Variants in PRSS16 observed in about 807,000 individuals in gnomAD.
The protein encoded by PRSS16 is thymus-specific serine protease.
PRSS16 carries 43 observed loss-of-function variants against 61.7 expected under a neutral mutation model. The ratio of observed to expected loss-of-function variants is 0.70; its 90% CI spans 0.55 to 0.90. The LOEUF (loss-of-function observed/expected upper bound fraction) is 0.90, where lower values mean the gene tolerates loss of function less well. Among genes scored for constraint, PRSS16 ranks in the 40% least tolerant of loss-of-function variants. The pLI, the probability that PRSS16 is intolerant of heterozygous loss-of-function variation, is 0.00. For synonymous variants in PRSS16, 273 were observed against 285.2 expected (o/e 0.96, Z 0.43); for missense variants, 591 against 659.1 (o/e 0.90, Z 1.13).
In PRSS16 at chr6:27,251,078, GC is replaced by G; in HGVS notation, c.632del (p.Pro211ArgfsTer19). The G allele has an allele frequency of 1.2e-6, 2 of 1,614,056 alleles. No homozygotes were observed. Among genetic ancestry groups the G allele is most frequent in the East Asian group, 2.2e-5 (1 of 44,872 alleles). ...CATTTTCGCGTCGGTCGCCTCCTCC[GC>G]CCCGGTGCGGGCCGTGCTGGATTTC... ...HLIFASVASSAPVRAVLDFSE... is the reference protein window; with the variant it reads ...HLIFASVASSXPVRAVLDFSE... On this transcript the variant is annotated frameshift_variant, in exon 6 of 12. Coordinates refer to ENST00000230582, the MANE Select transcript of PRSS16 (RefSeq NM_005865.4). LOFTEE classifies it high-confidence loss of function. This position sits in a 1 kb window ranked among gnomAD's most constrained non-coding sequence, Gnocchi z 5.6.
rs1759881601 is a variant in PRSS16 at position 27,251,160 on chromosome 6, C to T, written c.669+41C>T. 3.1e-6 allele frequency: 5 copies of T among 1,613,982 alleles called. No homozygotes were observed. Among genetic ancestry groups the T allele is most frequent in the Non-Finnish European group, 4.2e-6 (5 of 1,179,982 alleles). ...AGCAGGTGCGGGACGGGGAGGGGTC[C>T]CAGCGGGCGGAGTCCCTTGACACTT... On this transcript the variant is annotated intron_variant, in intron 6 of 11. Coordinates refer to ENST00000230582, the MANE Select transcript of PRSS16 (RefSeq NM_005865.4). The surrounding 1 kb of genome is among the most constrained non-coding windows in gnomAD (Gnocchi z 5.6).
intron 4 of PRSS16, among the ~76,000 whole-genome samples, chr6:27,249,591 T>C (rs1377985254): frequency 1.3e-5 from 2 of 152,210 alleles, no homozygotes; most frequent in South Asian, 4.1e-4. Flanking sequence ...GTAATTCTGT[T>C]AGAGCATAAA....
In PRSS16 at chr6:27,252,043, G is replaced by C; in HGVS notation, c.1008+3G>C. On this transcript the variant is annotated splice_donor_region_variant and intron_variant, in intron 8 of 11. Transcript: ENST00000230582. The surrounding 1 kb of genome is among the most constrained non-coding windows in gnomAD (Gnocchi z 4.2). ...GCGGGCTTCGTCGGGCGGTGCAGGT[G>C]AGCACTCCCTGGCACAGCTGGGAGG... 1 of 1,516,496 alleles carries C rather than the reference G, an allele frequency of 6.6e-7. No homozygotes were observed. The allele number at this position is 1,516,496 out of a possible 1,614,324, so 93.9% of individuals were successfully genotyped here. A position where few individuals can be genotyped will look rare whatever the true frequency, so the allele number is the denominator to read the frequency against.
rs1042049258 is a variant in PRSS16, at chr6:27,251,163, G to C, written c.669+44G>C. ...AGGTGCGGGACGGGGAGGGGTCCCA[G>C]CGGGCGGAGTCCCTTGACACTTCCG... On this transcript the variant is annotated intron_variant, in intron 6 of 11. Transcript: ENST00000230582. The surrounding 1 kb of genome is among the most constrained non-coding windows in gnomAD (Gnocchi z 5.6). The C allele has an allele frequency of 6.2e-7, 1 of 1,613,876 alleles. No individual in the cohort carries two copies. The highest frequency in any genetic ancestry group is 1.3e-5 in the African/African-American group (1 of 74,942).
In PRSS16 at chr6:27,248,842, C is replaced by T. The variant is rs528406374; in HGVS notation, c.238-5C>T. On this transcript the variant is annotated splice_polypyrimidine_tract_variant and splice_region_variant and intron_variant, in intron 2 of 11. Coordinates refer to ENST00000230582, the MANE Select transcript of PRSS16 (RefSeq NM_005865.4). ...CCATTTCTTCTTCCCCATCCCACCT[C>T]TCAGCGTTACTGGGTGAATGACCAA... is the stretch of plus-strand genomic sequence containing the variant. The T allele has an allele frequency of 1.9e-4, 296 of 1,589,500 alleles. 2 individuals carry two copies. The South Asian group carries it at 3.3e-3, about 17-fold the overall frequency.
In PRSS16 at chr6:27,248,035, G is replaced by T. The variant is rs150849072; in HGVS notation, c.224G>T (p.Arg75Leu). The T allele has an allele frequency of 1.9e-6, 3 of 1,613,546 alleles. No homozygotes were observed. Among genetic ancestry groups the T allele is most frequent in the Non-Finnish European group, 2.5e-6 (3 of 1,179,850 alleles). ...GACCCCTTCAACGTGTCCGACAGACGATCCTTCCTACAGGTGAGGCCGGGA... is the reference window on the plus strand; with the variant it reads ...GACCCCTTCAACGTGTCCGACAGACTATCCTTCCTACAGGTGAGGCCGGGA... ...LLDPFNVSDRRSFLQRYWVND... is the reference protein window; with the variant it reads ...LLDPFNVSDRLSFLQRYWVND... The change falls in exon 2 of 12, where the codon CGA (arginine) becomes CTA (leucine). Residue 75 changes from arginine (R) to leucine (L), a missense_variant. Arg to Leu is a moderately radical substitution (Grantham distance 102). Coordinates refer to ENST00000230582, the MANE Select transcript of PRSS16 (RefSeq NM_005865.4).
chr6:27,253,814 A>G (rs2113736537), intron 9 of PRSS16: 2 of 175,106 alleles, frequency 1.1e-5, no homozygotes, highest in Non-Finnish European at 2.4e-5. Context: ...TAATATTTGT[A>G]GCATTCTAAG....
intron 4 of PRSS16, among the ~76,000 whole-genome samples, chr6:27,250,038 T>A (rs1318392766): frequency 6.6e-6 from 1 of 151,882 alleles, no homozygotes; most frequent in African/African-American, 2.4e-5. Flanking sequence ...GGTATCTCTG[T>A]CTGTGTCTGT....
chr6:27,254,757 C>CGGCAGTG lies in PRSS16; in HGVS notation c.1215_1216insGGCAGTG (p.Leu406GlyfsTer5), dbSNP rs1759991387. On this transcript the variant is annotated frameshift_variant, in exon 10 of 12. Transcript: ENST00000230582. LOFTEE classifies it high-confidence loss of function. ...TCCCAGCACTGCCCTCCCAGCTAGA[C>CGGCAGTG]CTATGTGAGCAGGTGTTTGGGCTCT... is the stretch of plus-strand genomic sequence containing the variant. 1 of 1,613,930 alleles carries CGGCAGTG rather than the reference C, an allele frequency of 6.2e-7. No individual in the cohort carries two copies. The highest frequency in any genetic ancestry group is 1.3e-5 in the African/African-American group (1 of 74,912).
chr6:27,252,930 A>G lies in PRSS16; in HGVS notation c.1131A>G (p.Thr377=), dbSNP rs1410232411. ...GTGACCGGCAGTGGTTGTATCAGAC[A>G]TGTACCGAGTTCGGCTTCTGTAAGT... ...GVGDRQWLYQ[T]CTEFGFYVTC... The change falls in exon 9 of 12, where the codon ACA becomes ACG. Residue 377 remains threonine, a synonymous_variant. Transcript: ENST00000230582. The surrounding 1 kb of genome is among the most constrained non-coding windows in gnomAD (Gnocchi z 4.2). The G allele has an allele frequency of 1.2e-6, 2 of 1,614,050 alleles. No homozygotes were observed. Among genetic ancestry groups the G allele is most frequent in the Non-Finnish European group, 1.7e-6 (2 of 1,180,040 alleles).
Position 27,254,678 on chromosome 6 carries a change from T to A in PRSS16, c.1151-15T>A. 1 of 1,598,806 alleles carries A rather than the reference T, an allele frequency of 6.3e-7. No homozygotes were observed. The highest frequency in any genetic ancestry group is 1.3e-5 in the African/African-American group (1 of 74,688). ...CTGCCTGTATACCCACACTTACAGG[T>A]ATCTCCCTACACAGATGTCACCTGT... is the stretch of plus-strand genomic sequence containing the variant. On this transcript the variant is annotated splice_polypyrimidine_tract_variant and intron_variant, in intron 9 of 11. Coordinates refer to ENST00000230582, the MANE Select transcript of PRSS16 (RefSeq NM_005865.4).
rs1759903442 is a variant in PRSS16, at chr6:27,251,617, G to A, written c.718-133G>A. The A allele has an allele frequency of 8.2e-7, 1 of 1,215,634 alleles. No individual in the cohort carries two copies. Among genetic ancestry groups the A allele is most frequent in the South Asian group, 1.7e-5 (1 of 59,970 alleles). The allele number at this position is 1,215,634 out of a possible 1,614,324, so 75.3% of individuals were successfully genotyped here. A position where few individuals can be genotyped will look rare whatever the true frequency, so the allele number is the denominator to read the frequency against. The stretch of plus-strand genomic sequence containing the variant: ...CGGGGGCCTGGGGGCGGGGGCCTGG[G>A]CCAAGAGCTAGGTCTGCACCCTCTG... On this transcript the variant is annotated intron_variant, in intron 7 of 11. Transcript: ENST00000230582. The surrounding 1 kb of genome is among the most constrained non-coding windows in gnomAD (Gnocchi z 5.6).
At position 27,252,419 on chromosome 6, in the gene PRSS16, C is replaced by G. The variant is rs1305095980; in HGVS notation, c.1008+379C>G. On this transcript the variant is annotated intron_variant, in intron 8 of 11. Transcript: ENST00000230582. The surrounding 1 kb of genome is among the most constrained non-coding windows in gnomAD (Gnocchi z 4.2). ...TCTCCTAGGTACCTGGGACTGCAGC[C>G]TCTAAATCCACAACTGCAATCCAGC... 1 of 374,594 alleles carries G rather than the reference C, an allele frequency of 2.7e-6. No individual in the cohort carries two copies. Among genetic ancestry groups the G allele is most frequent in the East Asian group, 4.6e-5 (1 of 21,852 alleles). The allele number at this position is 374,594 out of a possible 1,614,324, so 23.2% of individuals were successfully genotyped here.
In PRSS16 at chr6:27,251,374, G is replaced by C; in HGVS notation, c.717+110G>C. 7.4e-7 allele frequency: 1 copy of C among 1,346,422 alleles called. No homozygotes were observed. The highest frequency in any genetic ancestry group is 1.4e-5 in the South Asian group (1 of 69,486). 83.4% of individuals were successfully genotyped at this position (1,346,422 alleles called of 1,614,324 possible). ...AACCTGCAACGTGGCGGGGTCTAAG[G>C]AAGGTCGGAGCTCGGGGGAATACGC... On this transcript the variant is annotated intron_variant, in intron 7 of 11. Transcript: ENST00000230582. This position sits in a 1 kb window ranked among gnomAD's most constrained non-coding sequence, Gnocchi z 5.6.
chr6:27,250,799 G>T lies in PRSS16; in HGVS notation c.584G>T (p.Arg195Leu). 6.2e-7 allele frequency: 1 copy of T among 1,608,976 alleles called. No individual in the cohort carries two copies. The highest frequency in any genetic ancestry group is 1.1e-5 in the South Asian group (1 of 90,354). The change falls in exon 5 of 12, where the codon CGG (arginine) becomes CTG (leucine). Residue 195 changes from arginine (R) to leucine (L), a missense_variant. By Grantham distance (102) the Arg-to-Leu change is moderately radical. Transcript: ENST00000230582. The part of the protein sequence containing the change: ...SYAGSLAAWA[R>L]LKFPHLIFAS... ...GCCGGCTCCTTGGCCGCCTGGGCCC[G>T]GCTGAAGGTCCTGCGACTCCTCCGG...
In PRSS16 at chr6:27,247,915, A is replaced by T. The variant is rs1235258600; in HGVS notation, c.104A>T (p.Gln35Leu). ...CTTAGGCGCCTGGGTGAGCACATTCAGCAGTTTCAGGAGAGCTCTGCCCAG... is the reference window on the plus strand; with the variant it reads ...CTTAGGCGCCTGGGTGAGCACATTCTGCAGTTTCAGGAGAGCTCTGCCCAG... ...SLLRRLGEHI[Q>L]QFQESSAQGL... The change falls in exon 2 of 12, where the codon CAG becomes CTG. Residue 35 changes from glutamine to leucine, a missense_variant. By Grantham distance (113) the Gln-to-Leu change is moderately radical. Coordinates refer to ENST00000230582, the MANE Select transcript of PRSS16 (RefSeq NM_005865.4). 2 of 1,603,880 alleles carry T rather than the reference A, an allele frequency of 1.2e-6. No homozygotes were observed. The highest frequency in any genetic ancestry group is 1.7e-6 in the Non-Finnish European group (2 of 1,175,658).
At position 27,250,645 on chromosome 6, in the gene PRSS16, A is replaced by G. The variant is rs532061940; in HGVS notation, c.468-38A>G. 2.5e-5 allele frequency: 38 copies of G among 1,532,818 alleles called. No homozygotes were observed. In the South Asian group the frequency reaches 4.5e-4, roughly 18 times the overall value. The allele number at this position is 1,532,818 out of a possible 1,614,324, so 95.0% of individuals were successfully genotyped here. On this transcript the variant is annotated intron_variant, in intron 4 of 11. Coordinates refer to ENST00000230582, the MANE Select transcript of PRSS16 (RefSeq NM_005865.4). ...AATGGGGAAATCTTCAGGGATTCCC[A>G]GCGATGAGGACCGACCGAGTCCCCC...
chr6:27,251,954 G>T lies in PRSS16; in HGVS notation c.922G>T (p.Val308Leu), dbSNP rs1321207991. The T allele has an allele frequency of 2.5e-6, 4 of 1,609,212 alleles. No individual in the cohort carries two copies. In the Admixed American group the frequency reaches 6.8e-5, roughly 27 times the overall value. ...TGGGCAGACGGGAGCGCCGCTAAGC[G>T]TGCGACAGCTCTGCGGACTTCTCCT... The part of the protein sequence containing the change: ...YDGQTGAPLS[V>L]RQLCGLLLGG... The change falls in exon 8 of 12, where the codon GTG becomes TTG. Residue 308 changes from valine (V) to leucine (L), a missense_variant. Physicochemically the swap from Val to Leu is conservative, Grantham distance 32. Coordinates refer to ENST00000230582, the MANE Select transcript of PRSS16 (RefSeq NM_005865.4). This position sits in a 1 kb window ranked among gnomAD's most constrained non-coding sequence, Gnocchi z 5.6.
chr6:27,248,352 C>T (rs567135618), intron 2 of PRSS16, among the ~76,000 whole-genome samples: 2 of 152,044 alleles, frequency 1.3e-5, no homozygotes, highest in South Asian at 2.1e-4. Context: ...CCAGACTGGA[C>T]ACAAAACCTA....
Sources: gnomAD v4.1 joint callset for allele counts (sites outside exome capture counted in the v4.1 genomes callset) on GRCh38, gnomAD v4.1.1 for gene constraint, Gnocchi (gnomAD v3.1) non-coding constraint, MANE v1.5 for transcripts, NCBI Gene and HGNC (gene_info 2026-07-23, HGNC 2026-07-21) for gene names.